Variants in TLCD3B observed in about 807,000 individuals in gnomAD.
The protein encoded by TLCD3B is ceramide synthase.
Under a neutral mutation model 23.0 loss-of-function variants are expected in TLCD3B, and 9 were observed. The ratio of observed to expected loss-of-function variants is 0.39; its 90% CI spans 0.24 to 0.68. The LOEUF is 0.68. Ranked by LOEUF, TLCD3B falls within the 30% of genes least tolerant of loss-of-function variation. The pLI, the probability that TLCD3B is intolerant of heterozygous loss-of-function variation, is 0.44. For synonymous variants in TLCD3B, 161 were observed against 161.0 expected, an observed-to-expected ratio of 1.00 and a Z score of 0.00; for missense variants, 307 against 371.8, an observed-to-expected ratio of 0.83 and a Z score of 1.43.
upstream of TLCD3B, chr16:30,033,547 A>G (rs1018946709): frequency 3.3e-5 from 5 of 152,218 alleles, no homozygotes; most frequent in African/African-American, 1.2e-4. Context: ...TTTGTCACAC[A>G]GGTCATAGAT....
In TLCD3B at chr16:30,025,197, G is replaced by C; in HGVS notation, c.811C>G (p.Gln271Glu). 6.8e-7 allele frequency: 1 copy of C among 1,476,698 alleles called. No individual in the cohort carries two copies. Among genetic ancestry groups the C allele is most frequent in the Non-Finnish European group, 8.9e-7 (1 of 1,119,122 alleles). 91.5% of individuals were successfully genotyped at this position (1,476,698 alleles called of 1,614,324 possible). A position where few individuals can be genotyped will look rare whatever the true frequency, so the allele number is the denominator to read the frequency against. The change falls in exon 5 of 5, where the codon CAG (glutamine) becomes GAG (glutamate). Residue 271 changes from glutamine (Q) to glutamate (E), a missense_variant. Transcript: ENST00000380495. This position sits in a 1 kb window ranked among gnomAD's most constrained non-coding sequence, Gnocchi z 4.1. Reference sequence around the variant, plus strand: ...GGCCCCCGGCCTCAGTCCTGGGCCTGGCAGGCCGGGGGCGGCCGGGAGCGG... The same window carrying C: ...GGCCCCCGGCCTCAGTCCTGGGCCTCGCAGGCCGGGGGCGGCCGGGAGCGG... The part of the protein sequence containing the change: ...WPRSRPPPAC[Q>E]AQD
At chr16:30,052,142 G>A (rs760960334) in intron 1 of TLCD3B, among the ~76,000 whole-genome samples, 3 of 151,944 alleles carry the variant, frequency 2.0e-5, no homozygotes, top group Admixed American at 1.3e-4. Context: ...CAAGGCGGGC[G>A]GGATTGCCTG....
rs2071648949 is a variant in TLCD3B, at chr16:30,045,332, TTG to T, written c.-229+989_-229+990del. 1.3e-4 allele frequency among the ~76,000 whole-genome samples: 4 copies of T among 30,408 alleles called. No individual in the cohort carries two copies. The South Asian group carries it at 4.5e-3, about 34-fold the overall frequency. The allele number at this position is 30,408 out of a possible 152,430, so 19.9% of individuals were successfully genotyped here. A position where few individuals can be genotyped will look rare whatever the true frequency, so the allele number is the denominator to read the frequency against. ...GGTGTATGGGGTGTGTGTGTGGTGT[TTG>T]TGTGTGTTTGTGTGTGTGGTGTGTG... On this transcript the variant is annotated intron_variant, in intron 2 of 6. Transcript: ENST00000561666.
At chr16:30,030,147 G>A in intron 1 of TLCD3B, 1 of 1,486,000 alleles carries the variant, frequency 6.7e-7, no homozygotes, top group Non-Finnish European at 9.1e-7. Context: ...CTGTTTTGGA[G>A]GGTGGGAGGG....
At chr16:30,051,429 A>G (rs1485028107) in intron 1 of TLCD3B, among the ~76,000 whole-genome samples, 1 of 150,348 alleles carries the variant, frequency 6.7e-6, no homozygotes, top group African/African-American at 2.4e-5. Flanking sequence ...AAGCTGAGGC[A>G]GGAGAATTGC....
intron 1 of TLCD3B, among the ~76,000 whole-genome samples, chr16:30,050,354 T>C (rs923150425): frequency 6.6e-6 from 1 of 151,988 alleles, no homozygotes; most frequent in Non-Finnish European, 1.5e-5. Flanking sequence ...GCCTGAGCAA[T>C]ACAGTGAGAC....
At chr16:30,049,410 C>G (rs146499546) in intron 1 of TLCD3B, among the ~76,000 whole-genome samples, 11 of 152,286 alleles carry the variant, frequency 7.2e-5, no homozygotes, top group African/African-American at 2.4e-4. Context: ...GCTGAAGCTT[C>G]TTTCATCTTC....
intron 2 of TLCD3B, among the ~76,000 whole-genome samples, chr16:30,043,443 G>A (rs1195611510): frequency 6.6e-6 from 1 of 151,964 alleles, no homozygotes; most frequent in African/African-American, 2.4e-5. Context: ...TGCCCAGGTT[G>A]GTCTCAAACT....
At chr16:30,041,430 C>T (rs1264028028) in intron 2 of TLCD3B, among the ~76,000 whole-genome samples, 4 of 152,056 alleles carry the variant, frequency 2.6e-5, no homozygotes, top group South Asian at 2.1e-4. Flanking sequence ...CATGCTACCA[C>T]GCCTGGCTAA....
intron 2 of TLCD3B, among the ~76,000 whole-genome samples, chr16:30,044,721 A>G (rs1188304209): frequency 6.6e-6 from 1 of 152,224 alleles, no homozygotes; most frequent in Non-Finnish European, 1.5e-5. Context: ...ATTTTATAAC[A>G]TTCTAGCTAG....
chr16:30,044,741 G>A (rs2071631325), intron 2 of TLCD3B, among the ~76,000 whole-genome samples: 1 of 152,106 alleles, frequency 6.6e-6, no homozygotes, highest in African/African-American at 2.4e-5. Flanking sequence ...GATACTATGG[G>A]CAGCTGCTCA....
At position 30,036,982 on chromosome 16, in the gene TLCD3B, G is replaced by C. The variant is rs1470654661; in HGVS notation, c.-66-768C>G. ...AACCTGTAATCCCAGCTATTCAGGA[G>C]GCTGAGGCAGGAGAATCGCTTGAAC... On this transcript the variant is annotated intron_variant, in intron 3 of 6. Transcript: ENST00000561666. Among the ~76,000 whole-genome samples, 3 of 151,968 alleles carry C rather than the reference G, an allele frequency of 2.0e-5. No individual in the cohort carries two copies. In the East Asian group the frequency reaches 5.8e-4, roughly 29 times the overall value.
At chr16:30,026,098 G>A (rs1040370652) in intron 3 of TLCD3B, among the ~76,000 whole-genome samples, 1 of 152,166 alleles carries the variant, frequency 6.6e-6, no homozygotes, top group South Asian at 2.1e-4. Flanking sequence ...AGCCAGGCGT[G>A]TTGGTGGGCA....
At chr16:30,050,544 A>AAAAAAC (rs1409877750) in intron 1 of TLCD3B, among the ~76,000 whole-genome samples, 4 of 152,312 alleles carry the variant, frequency 2.6e-5, no homozygotes, top group East Asian at 1.9e-4. Flanking sequence ...TCTGTCTCAA[A>AAAAAAC]AAAAACAAAA....
intron 2 of TLCD3B, chr16:30,027,570 C>G (rs950343509): frequency 2.2e-6 from 1 of 455,944 alleles, no homozygotes; most frequent in Non-Finnish European, 4.4e-6. Context: ...CCAAAGTCAC[C>G]CAATCTCTTG....
intron 3 of TLCD3B, among the ~76,000 whole-genome samples, chr16:30,038,512 G>A (rs1464860372): frequency 6.6e-6 from 1 of 152,202 alleles, no homozygotes. Flanking sequence ...AGCACTTTGG[G>A]AGGCCAAGGC....
At chr16:30,045,504 GGT>G (rs562784911) in intron 2 of TLCD3B, among the ~76,000 whole-genome samples, 16 of 126,144 alleles carry the variant, frequency 1.3e-4, no homozygotes, top group Admixed American at 8.5e-4. Flanking sequence ...TGGTGTGTAT[GGT>G]GTGTGTGTGT....
Position 30,024,432 on chromosome 16 carries a change from T to C in TLCD3B, c.*751A>G. 1 of 690,944 alleles carries C rather than the reference T, an allele frequency of 1.4e-6. No homozygotes were observed. Among genetic ancestry groups the C allele is most frequent in the Non-Finnish European group, 2.4e-6 (1 of 420,368 alleles). The allele number at this position is 690,944 out of a possible 1,614,324, so 42.8% of individuals were successfully genotyped here. On this transcript the variant is annotated 3_prime_UTR_variant, in exon 5 of 5. Transcript: ENST00000380495. ...CTTGGTGGCAAGGGCCTTGGTGGCG[T>C]TCACGCAGATCGTCTTTTATTAGCG...
In TLCD3B at chr16:30,044,208, G is replaced by C. The variant is rs187496261; in HGVS notation, c.-229+2115C>G. ...GATGGGGTTTCACCATGTTGCCCAG[G>C]CTGGTCTCAAACTCCCGACTTCAAG... On this transcript the variant is annotated intron_variant, in intron 2 of 6. Coordinates refer to the TLCD3B transcript ENST00000561666. 2.0e-3 allele frequency among the ~76,000 whole-genome samples: 306 copies of C among 151,994 alleles called. 2 individuals carry two copies. Among genetic ancestry groups the C allele is most frequent in the Middle Eastern group, 6.8e-3 (2 of 294 alleles).
Sources: allele counts gnomAD v4.1 joint callset (sites outside exome capture counted in the v4.1 genomes callset), GRCh38; gene constraint gnomAD v4.1.1; non-coding constraint Gnocchi (gnomAD v3.1); transcripts MANE v1.5; gene names NCBI Gene and HGNC (gene_info 2026-07-23, HGNC 2026-07-21).